SLC14A2: variants seen among roughly 807,000 people sequenced by gnomAD.
SLC14A2 encodes the protein urea transporter 2.
In SLC14A2, 91 loss-of-function variants were observed where a neutral mutation model predicts 104.6. The ratio of observed to expected loss-of-function variants is 0.87; its 90% confidence interval spans 0.73 to 1.04. SLC14A2 has a LOEUF of 1.04. SLC14A2 is among the 50% of genes least tolerant of loss of function. SLC14A2 has a pLI of 0.00. For missense variants in SLC14A2, 1,189 were observed against 1,156.0 expected (o/e 1.03, Z -0.41); for synonymous variants, 476 against 466.4 (o/e 1.02, Z -0.27).
In SLC14A2 at chr18:45,639,907, C is replaced by A; in HGVS notation, c.991+14C>A. 6.2e-7 allele frequency: 1 copy of A among 1,610,642 alleles called. No individual in the cohort carries two copies. Among genetic ancestry groups the A allele is most frequent in the Non-Finnish European group, 8.5e-7 (1 of 1,178,764 alleles). On this transcript the variant is annotated intron_variant, in intron 7 of 19. Coordinates refer to ENST00000255226, the MANE Select transcript of SLC14A2 (RefSeq NM_007163.4). ...GGCTGCTAGCAGGTAGGACAGAGCT[C>A]CCTCTCTTCAGGTCCTCAGGATAAT...
chr18:45,414,103 G>A (rs1422811939), intron 1 of SLC14A2, among the ~76,000 whole-genome samples: 1 of 152,178 alleles, frequency 6.6e-6, no homozygotes, highest in Non-Finnish European at 1.5e-5. Context: ...TGAGAATAAG[G>A]ACCTGCATAA....
At chr18:45,370,351 A>C (rs1313033231) in intron 1 of SLC14A2, among the ~76,000 whole-genome samples, 1 of 152,316 alleles carries the variant, frequency 6.6e-6, no homozygotes, top group East Asian at 1.9e-4. Flanking sequence ...CTGGTGAAGA[A>C]GTAAATCCAG....
chr18:45,558,852 A>G (rs182613009), intron 2 of SLC14A2, among the ~76,000 whole-genome samples: 31 of 152,202 alleles, frequency 2.0e-4, no homozygotes, highest in African/African-American at 7.0e-4. Context: ...GTGCAGTGAC[A>G]CGATCTCGGC....
chr18:45,223,601 C>T (rs936844300), intron 1 of SLC14A2, among the ~76,000 whole-genome samples: 6 of 152,102 alleles, frequency 3.9e-5, no homozygotes, highest in African/African-American at 1.4e-4. Flanking sequence ...TACACACACC[C>T]CCTCCCCTGG....
chr18:45,209,555 T>C (rs1046647091), upstream of SLC14A2, among the ~76,000 whole-genome samples: 1 of 151,458 alleles, frequency 6.6e-6, no homozygotes, highest in African/African-American at 2.4e-5. Context: ...TTTTCTTTTT[T>C]TTTTTAACAA....
At chr18:45,306,572 A>T (rs1270821918) in intron 1 of SLC14A2, among the ~76,000 whole-genome samples, 1 of 152,204 alleles carries the variant, frequency 6.6e-6, no homozygotes, top group African/African-American at 2.4e-5. Flanking sequence ...GTGATGAAAT[A>T]CTATTCCTCA....
intron 1 of SLC14A2, among the ~76,000 whole-genome samples, chr18:45,368,099 G>T (rs958318949): frequency 1.3e-5 from 2 of 151,948 alleles, no homozygotes; most frequent in Non-Finnish European, 2.9e-5. Context: ...CCTCCAAGCA[G>T]ATTTAATGTG....
At chr18:45,306,449 C>T (rs2085022213) in intron 1 of SLC14A2, among the ~76,000 whole-genome samples, 1 of 152,090 alleles carries the variant, frequency 6.6e-6, no homozygotes, top group Admixed American at 6.5e-5. Flanking sequence ...GCTACCGGAC[C>T]CTGCCCTCGT....
intron 1 of SLC14A2, among the ~76,000 whole-genome samples, chr18:45,361,677 C>G (rs965728666): frequency 1.3e-5 from 2 of 152,212 alleles, no homozygotes; most frequent in Non-Finnish European, 2.9e-5. Flanking sequence ...AAGAGCTAGG[C>G]TGACTCAAGC....
chr18:45,569,635 T>C (rs936788017), intron 2 of SLC14A2, among the ~76,000 whole-genome samples: 5 of 152,224 alleles, frequency 3.3e-5, no homozygotes, highest in African/African-American at 9.6e-5. Flanking sequence ...TACATGTGGG[T>C]AATTAGGTAA....
chr18:45,366,466 AC>A (rs1370824883), intron 1 of SLC14A2, among the ~76,000 whole-genome samples: 2 of 152,172 alleles, frequency 1.3e-5, no homozygotes, highest in Non-Finnish European at 2.9e-5. Flanking sequence ...ACTCCTACCT[AC>A]AAAAAGACAG....
the SLC14A2 span, among the ~76,000 whole-genome samples, chr18:45,207,597 A>C: frequency 1.3e-5 from 2 of 152,280 alleles, no homozygotes; most frequent in Non-Finnish European, 2.9e-5. Flanking sequence ...ATAATACTTA[A>C]CTGGGTTGCT....
rs541663992 is a variant in SLC14A2, at chr18:45,373,077, T to G, written c.-124-110156T>G. 7.2e-5 allele frequency among the ~76,000 whole-genome samples: 11 copies of G among 152,314 alleles called. No homozygotes were observed. The East Asian group carries it at 1.9e-3, about 27-fold the overall frequency. ...ACACTTCTGTCGCTTGTAGACTATC[T>G]GATGGAGTCTATTTCATTTTGAAGT... On this transcript the variant is annotated intron_variant, in intron 1 of 20. Coordinates refer to the SLC14A2 transcript ENST00000586448.
chr18:45,232,430 A>T (rs1367880482), intron 1 of SLC14A2, among the ~76,000 whole-genome samples: 1 of 152,250 alleles, frequency 6.6e-6, no homozygotes, highest in South Asian at 2.1e-4. Context: ...ATTGGGAATT[A>T]CAATTCAACA....
At chr18:45,416,695 T>C (rs1185609145) in intron 1 of SLC14A2, among the ~76,000 whole-genome samples, 2 of 152,156 alleles carry the variant, frequency 1.3e-5, no homozygotes, top group Non-Finnish European at 2.9e-5. Flanking sequence ...CTCATTAACA[T>C]GATATAAGTA....
At chr18:45,568,651 T>C (rs1220716928) in intron 2 of SLC14A2, among the ~76,000 whole-genome samples, 1 of 152,212 alleles carries the variant, frequency 6.6e-6, no homozygotes, top group Non-Finnish European at 1.5e-5. Context: ...AGGCAGCTCC[T>C]TTGTCACCTA....
At chr18:45,605,957 G>A (rs904822244) in intron 2 of SLC14A2, among the ~76,000 whole-genome samples, 1 of 152,054 alleles carries the variant, frequency 6.6e-6, no homozygotes, top group African/African-American at 2.4e-5. Flanking sequence ...CTGTTTTCGG[G>A]GTATTGAGTT....
chr18:45,385,772 C>T (rs73431957), intron 1 of SLC14A2, among the ~76,000 whole-genome samples: 278 of 152,124 alleles, frequency 1.8e-3, no homozygotes, highest in African/African-American at 6.2e-3. Flanking sequence ...TCAAAGTACA[C>T]GGTTTGAAAG....
intron 1 of SLC14A2, among the ~76,000 whole-genome samples, chr18:45,290,184 TG>T (rs776004411): frequency 2.6e-5 from 4 of 152,196 alleles, no homozygotes; most frequent in Non-Finnish European, 4.4e-5. Flanking sequence ...ACTGAGGTTT[TG>T]GGGTATGACT....
Sources: allele counts gnomAD v4.1 joint callset (sites outside exome capture counted in the v4.1 genomes callset), GRCh38; gene constraint gnomAD v4.1.1; transcripts MANE v1.5; gene names NCBI Gene and HGNC (gene_info 2026-07-23, HGNC 2026-07-21).